The following SLC4A7 variants were observed in gnomAD, a reference collection of about 807,000 sequenced individuals.
SLC4A7 encodes sodium bicarbonate cotransporter 3.
A neutral mutation model predicts 137.6 loss-of-function variants in SLC4A7; 51 were observed. That is an observed-to-expected ratio of 0.37 (90% CI 0.30 to 0.47). The LOEUF is 0.47. Ranked by LOEUF, SLC4A7 falls within the 20% of genes least tolerant of loss-of-function variation. SLC4A7 has a pLI of 1.00. For synonymous variants in SLC4A7, 542 were observed against 518.6 expected (o/e 1.05, Z -0.61); for missense variants, 1,247 against 1,525.4 (o/e 0.82, Z 3.04).
intron 13 of SLC4A7, among the ~76,000 whole-genome samples, chr3:27,408,623 C>G (rs1338626788): frequency 6.6e-6 from 1 of 152,096 alleles, no homozygotes; most frequent in South Asian, 2.1e-4. Flanking sequence ...GTAAAATGCA[C>G]TTAAGAATTA....
intron 3 of SLC4A7, among the ~76,000 whole-genome samples, chr3:27,442,663 C>G (rs149812941): frequency 3.3e-5 from 5 of 152,052 alleles, no homozygotes; most frequent in African/African-American, 9.7e-5. Context: ...AGCCCATCTT[C>G]GCCTCCCAAA....
In SLC4A7 at chr3:27,375,397, T is replaced by C. The variant is rs2049836173; in HGVS notation, c.*1367A>G. On this transcript the variant is annotated 3_prime_UTR_variant, in exon 26 of 26. Transcript: ENST00000454389. ...ACCCCATTCATCCAGTCCTACAGGC[T>C]TAACAACATTTATTTCATGTGGAAC... The C allele has an allele frequency of 6.6e-6, 1 of 152,342 alleles. No homozygotes were observed. Among genetic ancestry groups the C allele is most frequent in the African/African-American group, 2.4e-5 (1 of 41,438 alleles). The allele number at this position is 152,342 out of a possible 1,614,324, so 9.4% of individuals were successfully genotyped here. A position where few individuals can be genotyped will look rare whatever the true frequency, so the allele number is the denominator to read the frequency against.
chr3:27,412,012 A>C (rs2053947509), intron 11 of SLC4A7, among the ~76,000 whole-genome samples: 2 of 152,162 alleles, frequency 1.3e-5, no homozygotes, highest in African/African-American at 4.8e-5. Context: ...TATAAAATAT[A>C]TTCATACATA....
At chr3:27,416,774 T>C (rs181225194) in intron 11 of SLC4A7, among the ~76,000 whole-genome samples, 11 of 152,008 alleles carry the variant, frequency 7.2e-5, no homozygotes, top group African/African-American at 2.4e-4. Flanking sequence ...CCAAGAAACA[T>C]GTAAATTATA....
At chr3:27,406,103 G>A (rs1241281728) in intron 13 of SLC4A7, among the ~76,000 whole-genome samples, 1 of 152,202 alleles carries the variant, frequency 6.6e-6, no homozygotes, top group African/African-American at 2.4e-5. Flanking sequence ...GAAATGAGAG[G>A]CAGCGCAGCA....
intron 14 of SLC4A7, among the ~76,000 whole-genome samples, chr3:27,403,633 T>C (rs544485473): frequency 3.5e-4 from 54 of 152,218 alleles, no homozygotes; most frequent in African/African-American, 1.1e-3. Flanking sequence ...ATTACACTTA[T>C]ATAAAAGATT....
At chr3:27,411,570 G>GA in intron 12 of SLC4A7, 72 bp downstream of exon 12, 5 of 801,506 alleles carry the variant, frequency 6.2e-6, no homozygotes, top group Non-Finnish European at 9.0e-6. Context: ...CAAACACTTG[G>GA]AAAAAATATA....
At chr3:27,412,553 A>G (rs1380595003) in intron 11 of SLC4A7, among the ~76,000 whole-genome samples, 1 of 152,216 alleles carries the variant, frequency 6.6e-6, no homozygotes, top group Non-Finnish European at 1.5e-5. Context: ...AGGCTCATCT[A>G]CAAATATAAG....
intron 3 of SLC4A7, among the ~76,000 whole-genome samples, chr3:27,448,369 A>G (rs981966576): frequency 2.0e-5 from 3 of 152,100 alleles, no homozygotes; most frequent in Non-Finnish European, 4.4e-5. Flanking sequence ...GTGACTAGGC[A>G]TAACTTTTAC....
intron 11 of SLC4A7, among the ~76,000 whole-genome samples, chr3:27,412,038 A>G (rs1426172387): frequency 1.3e-5 from 2 of 152,190 alleles, no homozygotes; most frequent in African/African-American, 4.8e-5. Context: ...TCAAATTCCT[A>G]TTCACCAATA....
intron 1 of SLC4A7, among the ~76,000 whole-genome samples, chr3:27,459,157 A>AT (rs1267477660): frequency 6.6e-6 from 1 of 152,130 alleles, no homozygotes; most frequent in Admixed American, 6.5e-5. Context: ...AAGCATAGGG[A>AT]TTTGAGTGGG....
chr3:27,438,556 A>G (rs9834387), intron 3 of SLC4A7, among the ~76,000 whole-genome samples: 23,094 of 151,224 alleles, frequency 0.15, 1,908 homozygotes, highest in African/African-American at 0.23. Context: ...ATAAAATAAC[A>G]TAACATAACA....
chr3:27,484,021 C>A, intron 1 of SLC4A7, 46 bp downstream of exon 1: 1 of 1,342,152 alleles, frequency 7.5e-7, no homozygotes, highest in South Asian at 1.7e-5. Flanking sequence ...TGCCTCGCCC[C>A]GCGCCCTCCC....
At chr3:27,408,425 T>A (rs556636842) in intron 13 of SLC4A7, among the ~76,000 whole-genome samples, 1 of 152,206 alleles carries the variant, frequency 6.6e-6, no homozygotes, top group Non-Finnish European at 1.5e-5. Flanking sequence ...GATTAAAGAC[T>A]AAGGTAAAAA....
intron 1 of SLC4A7, among the ~76,000 whole-genome samples, chr3:27,458,745 C>T (rs1358995627): frequency 2.0e-5 from 3 of 152,130 alleles, no homozygotes; most frequent in Non-Finnish European, 4.4e-5. Flanking sequence ...AATCCTAGGA[C>T]CCTGGGAGGC....
chr3:27,398,422 CA>C, intron 16 of SLC4A7, 69 bp from the exon 17 acceptor site: 5 of 1,342,046 alleles, frequency 3.7e-6, no homozygotes, highest in Non-Finnish European at 5.1e-6. Context: ...TTATGAGCTT[CA>C]TTGACTCGTA....
chr3:27,480,493 G>A (rs1036686187), intron 1 of SLC4A7, among the ~76,000 whole-genome samples: 1 of 152,164 alleles, frequency 6.6e-6, no homozygotes, highest in African/African-American at 2.4e-5. Context: ...GCCTCCCAAA[G>A]TACAGGGGTT....
Position 27,383,262 on chromosome 3 carries a change from A to C in SLC4A7, c.3493-12T>G. On this transcript the variant is annotated splice_polypyrimidine_tract_variant and intron_variant, in intron 23 of 25. Coordinates refer to ENST00000454389, the MANE Select transcript of SLC4A7 (RefSeq NM_001321103.2). ...ATCCGTTCAGCTTCCTTTATAACACATGTGTGAAGAGGTTACTTTTCCCAG... is the reference window on the plus strand; with the variant it reads ...ATCCGTTCAGCTTCCTTTATAACACCTGTGTGAAGAGGTTACTTTTCCCAG... The C allele has an allele frequency of 6.6e-7, 1 of 1,523,320 alleles. No individual in the cohort carries two copies. The highest frequency in any genetic ancestry group is 9.1e-7 in the Non-Finnish European group (1 of 1,099,612). 94.4% of individuals were successfully genotyped at this position (1,523,320 alleles called of 1,614,324 possible). A position where few individuals can be genotyped will look rare whatever the true frequency, so the allele number is the denominator to read the frequency against.
chr3:27,417,984 A>G (rs1366897280), intron 11 of SLC4A7, among the ~76,000 whole-genome samples: 2 of 152,152 alleles, frequency 1.3e-5, no homozygotes, highest in Non-Finnish European at 2.9e-5. Context: ...CAGCAATCCT[A>G]TTACTGGGGA....
Sources: gnomAD v4.1 joint callset for allele counts (sites outside exome capture counted in the v4.1 genomes callset) on GRCh38, gnomAD v4.1.1 for gene constraint, MANE v1.5 for transcripts, NCBI Gene and HGNC (gene_info 2026-07-23, HGNC 2026-07-21) for gene names.